LIMA1: variants seen among roughly 807,000 people sequenced by gnomAD.
LIMA1 encodes LIM domain and actin binding 1, also known as LIM domain and actin-binding protein 1.
Under a neutral mutation model 62.6 loss-of-function variants are expected in LIMA1, and 52 were observed. That is an observed-to-expected ratio of 0.83 (90% confidence interval 0.67 to 1.05). The LOEUF (loss-of-function observed/expected upper bound fraction) is 1.05, where lower values mean the gene tolerates loss of function less well. Among genes scored for constraint, LIMA1 ranks in the 50% least tolerant of loss-of-function variants. The pLI, the probability that LIMA1 is intolerant of heterozygous loss-of-function variation, is 0.00. For synonymous variants in LIMA1, 302 were observed against 317.8 expected (o/e 0.95, Z 0.53); for missense variants, 780 against 902.2 (o/e 0.86, Z 1.74).
chr12:50,192,938 T>C (rs575188549), intron 8 of LIMA1, among the ~76,000 whole-genome samples: 1 of 152,202 alleles, frequency 6.6e-6, no homozygotes, highest in South Asian at 2.1e-4. Context: ...TCAACTGAAG[T>C]TGGAAAAAGG....
At chr12:50,270,115 T>C (rs1942188368) in intron 1 of LIMA1, among the ~76,000 whole-genome samples, 1 of 150,026 alleles carries the variant, frequency 6.7e-6, no homozygotes, top group Non-Finnish European at 1.5e-5. Flanking sequence ...GTGCCTGTAA[T>C]TCCAGCTACT....
intron 2 of LIMA1, among the ~76,000 whole-genome samples, chr12:50,248,299 G>GCT (rs1361474290): frequency 6.6e-6 from 1 of 152,118 alleles, no homozygotes; most frequent in Non-Finnish European, 1.5e-5. Flanking sequence ...TGTCTGTGAT[G>GCT]CTCTGTCTCT....
chr12:50,216,270 A>G (rs1941344060), intron 4 of LIMA1, among the ~76,000 whole-genome samples: 2 of 152,008 alleles, frequency 1.3e-5, no homozygotes, highest in Non-Finnish European at 2.9e-5. Flanking sequence ...GCTGGGATGC[A>G]ATGGTGTCAT....
At chr12:50,278,004 C>T (rs1592574998) in intron 1 of LIMA1, among the ~76,000 whole-genome samples, 2 of 152,004 alleles carry the variant, frequency 1.3e-5, no homozygotes, top group African/African-American at 2.4e-5. Context: ...GGGCCGGGCG[C>T]GGTGGCTCAT....
chr12:50,239,106 A>C (rs1018495663), intron 2 of LIMA1, among the ~76,000 whole-genome samples: 16 of 152,246 alleles, frequency 1.1e-4, no homozygotes. Context: ...TAACGAAAGA[A>C]ATAACCAAAA....
At chr12:50,264,156 A>G (rs1942111652) in intron 1 of LIMA1, among the ~76,000 whole-genome samples, 1 of 152,050 alleles carries the variant, frequency 6.6e-6, no homozygotes, top group Non-Finnish European at 1.5e-5. Context: ...TGAAAGGTCC[A>G]GAACAGGAAA....
At chr12:50,242,946 C>G (rs1450335105) in intron 2 of LIMA1, among the ~76,000 whole-genome samples, 1 of 152,168 alleles carries the variant, frequency 6.6e-6, no homozygotes, top group Non-Finnish European at 1.5e-5. Context: ...AGGCTAGATT[C>G]TCTTTAATTC....
At chr12:50,252,327 C>T (rs934480458) in intron 1 of LIMA1, among the ~76,000 whole-genome samples, 13 of 152,116 alleles carry the variant, frequency 8.5e-5, no homozygotes, top group African/African-American at 2.9e-4. Context: ...CGCCTATAAT[C>T]CCAGCACTTT....
chr12:50,250,724 G>A (rs1428559875), intron 1 of LIMA1, among the ~76,000 whole-genome samples: 1 of 152,152 alleles, frequency 6.6e-6, no homozygotes, highest in Non-Finnish European at 1.5e-5. Context: ...TAATCCTCAT[G>A]TTGGAAGGCA....
chr12:50,263,843 T>G (rs1361614771), intron 1 of LIMA1, among the ~76,000 whole-genome samples: 1 of 102,610 alleles, frequency 9.7e-6, no homozygotes, highest in African/African-American at 4.4e-5. Flanking sequence ...AGTATATATA[T>G]ATATATATAG....
rs1940386706 is a variant in LIMA1 at position 50,177,781 on chromosome 12, C to T, written c.1563G>A (p.Lys521=). ...TCCTCAGCTTCTTGGTTTCAGCTGG[C>T]TTGTCTTCCTTCTCCTGCTGAGAGG... ...KASSQQEKED[K]PAETKKLRIA... The change falls in exon 11 of 11, where the codon AAG becomes AAA. Residue 521 remains lysine (K), a synonymous_variant. Transcript: ENST00000341247. The T allele has an allele frequency of 1.9e-6, 3 of 1,613,974 alleles. No homozygotes were observed.
chr12:50,239,248 C>G (rs558961074), intron 2 of LIMA1, among the ~76,000 whole-genome samples: 1 of 151,972 alleles, frequency 6.6e-6, no homozygotes, highest in Non-Finnish European at 1.5e-5. Context: ...TATTAAATAA[C>G]AAAGGAACAC....
At chr12:50,269,054 C>T (rs1438705384) in intron 1 of LIMA1, among the ~76,000 whole-genome samples, 1 of 152,184 alleles carries the variant, frequency 6.6e-6, no homozygotes, top group African/African-American at 2.4e-5. Context: ...CATATTGAGT[C>T]TACCACACAC....
At chr12:50,213,777 T>C (rs1377127449) in intron 4 of LIMA1, among the ~76,000 whole-genome samples, 1 of 152,232 alleles carries the variant, frequency 6.6e-6, no homozygotes, top group Admixed American at 6.5e-5. Flanking sequence ...TCTAGCCCCC[T>C]TGAAGTCTAA....
chr12:50,241,794 TA>T (rs1351587419), intron 2 of LIMA1, among the ~76,000 whole-genome samples: 2 of 152,076 alleles, frequency 1.3e-5, no homozygotes, highest in Non-Finnish European at 2.9e-5. Flanking sequence ...CAGAGGCCCT[TA>T]CAGCAACTAG....
intron 3 of LIMA1, among the ~76,000 whole-genome samples, chr12:50,224,791 G>A (rs1941501033): frequency 6.6e-6 from 1 of 151,870 alleles, no homozygotes; most frequent in South Asian, 2.1e-4. Flanking sequence ...ATGCAGTGGT[G>A]TAATCATAGC....
chr12:50,182,276 C>T (rs1940522343), intron 9 of LIMA1: 1 of 301,618 alleles, frequency 3.3e-6, no homozygotes, highest in South Asian at 5.7e-5. Context: ...ATAGGTGGAG[C>T]TACGTCTGGA....
intron 1 of LIMA1, among the ~76,000 whole-genome samples, chr12:50,279,088 C>T (rs935311234): frequency 6.7e-6 from 1 of 150,358 alleles, no homozygotes; most frequent in African/African-American, 2.4e-5. Context: ...TCTCTGCAAC[C>T]TCTGCCTCCT....
intron 9 of LIMA1, chr12:50,191,429 G>C (rs573075771): frequency 6.6e-6 from 1 of 151,782 alleles, no homozygotes; most frequent in South Asian, 2.1e-4. Flanking sequence ...AGGAGGCTGA[G>C]ACAGGAGGAT....
Sources: gnomAD v4.1 joint callset for allele counts (sites outside exome capture counted in the v4.1 genomes callset) on GRCh38, gnomAD v4.1.1 for gene constraint, MANE v1.5 for transcripts, NCBI Gene and HGNC (gene_info 2026-07-23, HGNC 2026-07-21) for gene names.